The following CYP20A1 variants were observed in gnomAD, a reference collection of about 807,000 sequenced individuals.
The protein encoded by CYP20A1 is cytochrome P450 family 20 subfamily A member 1, also known as cytochrome P450 20A1.
Under a neutral mutation model 61.4 loss-of-function variants are expected in CYP20A1, and 61 were observed. That is an observed-to-expected ratio of 0.99 (90% CI 0.81 to 1.23). CYP20A1 has a LOEUF of 1.23. Among genes scored for constraint, CYP20A1 ranks in the 50% most tolerant of loss-of-function variants. The pLI is 0.00. For missense variants in CYP20A1, 530 were observed against 542.4 expected (o/e 0.98, Z 0.23); for synonymous variants, 193 against 188.2 (o/e 1.03, Z -0.21).
intron 9 of CYP20A1, among the ~76,000 whole-genome samples, chr2:203,288,062 T>TC (rs55965005): frequency 0.25 from 4,404 of 17,830 alleles, 742 homozygotes; most frequent in South Asian, 0.39. Context: ...TCTCTCTCTC[T>TC]TTTTTTTTTT....
intron 5 of CYP20A1, among the ~76,000 whole-genome samples, 153 bp downstream of exon 5, chr2:203,266,834 A>C (rs1427996929): frequency 2.0e-5 from 3 of 152,076 alleles, no homozygotes; most frequent in African/African-American, 7.2e-5. Context: ...TACAAAAATC[A>C]GCTGGGTGTG....
chr2:203,292,761 C>T (rs2068592594), intron 11 of CYP20A1, among the ~76,000 whole-genome samples: 1 of 152,126 alleles, frequency 6.6e-6, no homozygotes, highest in African/African-American at 2.4e-5. Flanking sequence ...GCCTGACCTG[C>T]ATCCCCATTA....
chr2:203,289,692 G>A (rs1173304073), intron 9 of CYP20A1, 73 bp from the exon 10 acceptor site: 22 of 699,828 alleles, frequency 3.1e-5, no homozygotes, highest in Non-Finnish European at 4.2e-5. Context: ...GTTGAAGAAC[G>A]TTTTTTAAAT....
chr2:203,294,162 T>G (rs1484585057), intron 11 of CYP20A1, among the ~76,000 whole-genome samples: 1 of 152,088 alleles, frequency 6.6e-6, no homozygotes, highest in East Asian at 1.9e-4. Context: ...TTTTTTTTAA[T>G]TTTTAATTTA....
intron 3 of CYP20A1, among the ~76,000 whole-genome samples, chr2:203,248,807 T>G (rs1259436926): frequency 6.6e-6 from 1 of 152,114 alleles, no homozygotes; most frequent in Admixed American, 6.6e-5. Flanking sequence ...ACTCCTGGGC[T>G]CAAGCAATCC....
chr2:203,246,849 T>G lies in CYP20A1; in HGVS notation c.217T>G (p.Phe73Val). Residue 73 changes from phenylalanine (F) to valine (V), a missense_variant, in exon 3 of 13, where the codon TTT becomes GTT. By Grantham distance (50) the Phe-to-Val change is conservative. Transcript: ENST00000356079. ...ERYGPVVSFW[F>V]GRRLVVSLGT... ...ATATGGGCCTGTGGTCTCCTTCTGG[T>G]TTGGCAGGCGCCTCGTGGTTAGTTT... is the stretch of plus-strand genomic sequence containing the variant. 5 of 1,614,206 alleles carry G rather than the reference T, an allele frequency of 3.1e-6. No homozygotes were observed. Among genetic ancestry groups the G allele is most frequent in the Non-Finnish European group, 4.2e-6 (5 of 1,180,038 alleles).
Position 203,239,285 on chromosome 2 carries a change from C to G in CYP20A1, c.72+151C>G, listed in dbSNP as rs558875284. ...CCAGAGCTTCAGCGCGGGGACCGCA[C>G]CCGGAGTCACGTGACGCCCCTCCCG... On this transcript the variant is annotated intron_variant, in intron 1 of 12. Coordinates refer to ENST00000356079, the MANE Select transcript of CYP20A1 (RefSeq NM_177538.3). 2.4e-5 allele frequency: 16 copies of G among 675,948 alleles called. No homozygotes were observed. In the East Asian group the frequency reaches 3.9e-4, roughly 16 times the overall value. 41.9% of individuals were successfully genotyped at this position (675,948 alleles called of 1,614,324 possible).
chr2:203,263,510 G>A (rs1055284017), intron 4 of CYP20A1, among the ~76,000 whole-genome samples: 2 of 151,478 alleles, frequency 1.3e-5, no homozygotes, highest in Non-Finnish European at 2.9e-5. Context: ...GGATGGCCTC[G>A]ATGTCCTGAC....
chr2:203,256,004 C>A (rs2066880390), intron 4 of CYP20A1, among the ~76,000 whole-genome samples: 1 of 152,148 alleles, frequency 6.6e-6, no homozygotes, highest in South Asian at 2.1e-4. Context: ...TGCTGTGTTG[C>A]CTAGGCTGTA....
rs576225795 is a variant in CYP20A1 at position 203,293,189 on chromosome 2, A to T, written c.1148+863A>T. The stretch of plus-strand genomic sequence containing the variant: ...GACACAAGACTCCGTCTCAAAAAAA[A>T]TTTTTAAAAAAGCAGAATTTCTCTC... On this transcript the variant is annotated intron_variant, in intron 11 of 12. Transcript: ENST00000356079. Among the ~76,000 whole-genome samples, 679 of 146,298 alleles carry T rather than the reference A, an allele frequency of 4.6e-3. 9 individuals are homozygous for T. Among genetic ancestry groups the T allele is most frequent in the African/African-American group, 0.016 (645 of 40,074 alleles).
At position 203,299,591 on chromosome 2, in the gene CYP20A1, T is replaced by C. The variant is rs950243189; in HGVS notation, c.*2683T>C. Reference sequence around the variant, plus strand: ...TTGGAATAACTTAAATTCTAAAACTTTGGCCGGGCGTGATGGCTCATGCCT... The same window carrying C: ...TTGGAATAACTTAAATTCTAAAACTCTGGCCGGGCGTGATGGCTCATGCCT... On this transcript the variant is annotated 3_prime_UTR_variant, in exon 13 of 13. Transcript: ENST00000356079. Among the ~76,000 whole-genome samples, 4 of 152,140 alleles carry C rather than the reference T, an allele frequency of 2.6e-5. No individual in the cohort carries two copies. Among genetic ancestry groups the C allele is most frequent in the African/African-American group, 9.7e-5 (4 of 41,424 alleles).
chr2:203,282,258 CAGGTGCTCCACCTGCCTCGGCCTCCCA>C (rs1196827981), intron 8 of CYP20A1, among the ~76,000 whole-genome samples: 1 of 152,062 alleles, frequency 6.6e-6, no homozygotes, highest in Non-Finnish European at 1.5e-5. Context: ...GAACTGACCT[CAGGTGCTCCACCTGCCTCGGCCTCCCA>C]AGGTGCTAGG....
intron 11 of CYP20A1, among the ~76,000 whole-genome samples, chr2:203,293,941 G>A (rs1415249656): frequency 6.6e-6 from 1 of 151,890 alleles, no homozygotes; most frequent in Admixed American, 6.6e-5. Flanking sequence ...AACAAAAAAT[G>A]TTTCTTAGGC....
Position 203,285,711 on chromosome 2 carries a change from C to A in CYP20A1, c.950C>A (p.Pro317Gln). 6.3e-7 allele frequency: 1 copy of A among 1,594,024 alleles called. No homozygotes were observed. The highest frequency in any genetic ancestry group is 8.5e-7 in the Non-Finnish European group (1 of 1,175,468). The change falls in exon 9 of 13, where the codon CCA becomes CAA. Residue 317 changes from proline (P) to glutamine (Q), a missense_variant. Physicochemically the swap from Pro to Gln is moderately conservative, Grantham distance 76. Transcript: ENST00000356079. ...GTTTTTGGAAATGGTCCTGTTACTC[C>A]AGAGAAAATTGAGCAGCTCAGGTAA... ...NQVFGNGPVT[P>Q]EKIEQLRYCQ...
At chr2:203,278,263 G>A (rs1322806701) in intron 6 of CYP20A1, among the ~76,000 whole-genome samples, 1 of 152,202 alleles carries the variant, frequency 6.6e-6, no homozygotes, top group African/African-American at 2.4e-5. Context: ...AACAGAGCAA[G>A]ACTGTGTCTC....
chr2:203,293,033 G>A (rs2068607455), intron 11 of CYP20A1, among the ~76,000 whole-genome samples: 1 of 151,238 alleles, frequency 6.6e-6, no homozygotes, highest in South Asian at 2.1e-4. Flanking sequence ...AATTAGCTGG[G>A]CATGGTGGCG....
In CYP20A1 at chr2:203,299,088, T is replaced by C. The variant is rs1213823084; in HGVS notation, c.*2180T>C. On this transcript the variant is annotated 3_prime_UTR_variant, in exon 13 of 13. Transcript: ENST00000356079. Reference sequence around the variant, plus strand: ...TTTCAAAATTACACTTTAGCACTTATAAATTTTATATATAATACTTTACTG... The same window carrying C: ...TTTCAAAATTACACTTTAGCACTTACAAATTTTATATATAATACTTTACTG... Among the ~76,000 whole-genome samples the C allele has an allele frequency of 1.3e-5, 2 of 152,164 alleles. No homozygotes were observed. The highest frequency in any genetic ancestry group is 2.9e-5 in the Non-Finnish European group (2 of 68,032).
intron 6 of CYP20A1, among the ~76,000 whole-genome samples, chr2:203,276,543 T>G (rs1170391964): frequency 1.3e-5 from 2 of 151,932 alleles, no homozygotes. Flanking sequence ...AGAAAATAAT[T>G]TGGTACTTTG....
chr2:203,272,348 G>C (rs967218760), intron 5 of CYP20A1, among the ~76,000 whole-genome samples: 2 of 151,976 alleles, frequency 1.3e-5, no homozygotes, highest in Admixed American at 6.6e-5. Flanking sequence ...TTCAAGAACA[G>C]CCTGAGAAAC....
Sources: allele counts gnomAD v4.1 joint callset (sites outside exome capture counted in the v4.1 genomes callset), GRCh38; gene constraint gnomAD v4.1.1; transcripts MANE v1.5; gene names NCBI Gene and HGNC (gene_info 2026-07-23, HGNC 2026-07-21).